TMEM229B: variants seen among roughly 807,000 people sequenced by gnomAD.
The protein encoded by TMEM229B is transmembrane protein 229B, also known as chromosome 14 open reading frame 83.
In TMEM229B, 6 loss-of-function variants were observed where a neutral mutation model predicts 13.7. That is an observed-to-expected ratio of 0.44 (90% confidence interval 0.24 to 0.86). TMEM229B has a LOEUF of 0.86. TMEM229B is among the 40% of genes least tolerant of loss of function. The pLI is 0.23. For synonymous variants in TMEM229B, 107 were observed against 102.1 expected (o/e 1.05, Z -0.29); for missense variants, 170 against 236.0 (o/e 0.72, Z 1.83).
chr14:67,528,295 G>T (rs1168333229), intron 1 of TMEM229B, among the ~76,000 whole-genome samples: 1 of 152,208 alleles, frequency 6.6e-6, no homozygotes, highest in Non-Finnish European at 1.5e-5. Context: ...AAAACCCATT[G>T]TCTACAGCGG....
At chr14:67,507,301 A>G (rs2032862564) in intron 1 of TMEM229B, among the ~76,000 whole-genome samples, 1 of 152,084 alleles carries the variant, frequency 6.6e-6, no homozygotes, top group Non-Finnish European at 1.5e-5. Context: ...GTGAGCTATG[A>G]TTATGCCACT....
At chr14:67,513,576 C>T (rs1270637430) in intron 1 of TMEM229B, among the ~76,000 whole-genome samples, 12 of 152,230 alleles carry the variant, frequency 7.9e-5, no homozygotes. Context: ...CACAAAGCCC[C>T]TGATGGGGGC....
chr14:67,492,065 C>A (rs1227001061), upstream of TMEM229B, among the ~76,000 whole-genome samples: 4 of 152,162 alleles, frequency 2.6e-5, no homozygotes, highest in Non-Finnish European at 5.9e-5. Context: ...GCCACCTGTC[C>A]TTTCCCTCTC....
chr14:67,480,201 T>C (rs1008978962), intron 2 of TMEM229B, among the ~76,000 whole-genome samples: 1 of 152,120 alleles, frequency 6.6e-6, no homozygotes, highest in Non-Finnish European at 1.5e-5. Context: ...CACCGCCTCT[T>C]ACCCGATGCA....
intron 1 of TMEM229B, among the ~76,000 whole-genome samples, chr14:67,506,721 C>T (rs190037854): frequency 6.6e-6 from 1 of 152,328 alleles, no homozygotes; most frequent in East Asian, 1.9e-4. Context: ...AGTGGTGGCT[C>T]ATGCCTGTAA....
At chr14:67,508,135 CAA>C (rs34715322) in intron 1 of TMEM229B, among the ~76,000 whole-genome samples, 4 of 130,612 alleles carry the variant, frequency 3.1e-5, no homozygotes, top group African/African-American at 6.0e-5. Context: ...AACTCCATCT[CAA>C]AAAAAAAAAA....
chr14:67,479,861 C>T (rs1308049426), intron 2 of TMEM229B, among the ~76,000 whole-genome samples: 1 of 152,188 alleles, frequency 6.6e-6, no homozygotes, highest in Non-Finnish European at 1.5e-5. Context: ...GCTCTTCCCT[C>T]CTGTGTCATC....
intron 1 of TMEM229B, among the ~76,000 whole-genome samples, chr14:67,498,286 G>C (rs529905359): frequency 1.3e-5 from 2 of 152,096 alleles, no homozygotes; most frequent in Admixed American, 1.3e-4. Context: ...CACGATGGGG[G>C]GTGGGCAATC....
At position 67,473,783 on chromosome 14, in the gene TMEM229B, C is replaced by G. The variant is rs1295421138; in HGVS notation, c.141G>C (p.Val47=). 4 of 1,613,876 alleles carry G rather than the reference C, an allele frequency of 2.5e-6. No homozygotes were observed. Among genetic ancestry groups the G allele is most frequent in the Non-Finnish European group, 3.4e-6 (4 of 1,179,972 alleles). ...AGGTGCCGTAGATGAAGAGGGCCCA[C>G]ACGCTCGTGACCCCAGGGAACTTCC... ...LNWKFPGVTS[V]WALFIYGTSI... The change falls in exon 3 of 3, where the codon GTG becomes GTC. Residue 47 remains valine, a synonymous_variant. Transcript: ENST00000554480. The surrounding 1 kb of genome is among the most constrained non-coding windows in gnomAD (Gnocchi z 6.5).
rs1460963331 is a variant in TMEM229B, at chr14:67,470,623, C to G, written c.*2797G>C. 2 of 152,882 alleles carry G rather than the reference C, an allele frequency of 1.3e-5. No individual in the cohort carries two copies. Among genetic ancestry groups the G allele is most frequent in the African/African-American group, 4.8e-5 (2 of 41,436 alleles). The allele number at this position is 152,882 out of a possible 1,614,324, so 9.5% of individuals were successfully genotyped here. On this transcript the variant is annotated 3_prime_UTR_variant, in exon 3 of 3. Transcript: ENST00000554480. ...ACTCAGCAGCTGCCTCCCCAGGAGA[C>G]CCACGCAGAGTGAGGGACCAGGACA...
chr14:67,502,022 G>A (rs553170903), intron 1 of TMEM229B, among the ~76,000 whole-genome samples: 2 of 152,260 alleles, frequency 1.3e-5, no homozygotes, highest in South Asian at 2.1e-4. Context: ...ATAGCATGAC[G>A]TTAGGTCTCC....
In TMEM229B at chr14:67,473,461, C is replaced by T. The variant is rs372112152; in HGVS notation, c.463G>A (p.Gly155Ser). ...DKDAEPGEPS[G>S]ALALANGHVK... is the part of the protein sequence containing the mutation. ...TGGCCGTTGGCCAGGGCTAGGGCGCCGCTGGGCTCCCCGGGCTCAGCGTCC... is the reference window on the plus strand; with the variant it reads ...TGGCCGTTGGCCAGGGCTAGGGCGCTGCTGGGCTCCCCGGGCTCAGCGTCC... Residue 155 changes from glycine (G) to serine (S), a missense_variant, in exon 3 of 3, where the codon GGC (glycine) becomes AGC (serine). Gly to Ser is a moderately conservative substitution (Grantham distance 56). Around this residue, in one of 4 missense-constraint regions of TMEM229B, gnomAD observed 70 missense variants for 60.9 expected, o/e 1.15. Transcript: ENST00000554480. This position sits in a 1 kb window ranked among gnomAD's most constrained non-coding sequence, Gnocchi z 6.5. 2.5e-6 allele frequency: 4 copies of T among 1,614,066 alleles called. No individual in the cohort carries two copies. The African/African-American group carries it at 4.0e-5, about 16-fold the overall frequency.
chr14:67,497,720 T>A (rs2032448415), intron 1 of TMEM229B, among the ~76,000 whole-genome samples: 2 of 152,290 alleles, frequency 1.3e-5, no homozygotes, highest in South Asian at 4.1e-4. Flanking sequence ...GTACTTTGTG[T>A]TCTTTTGAGC....
chr14:67,496,574 A>C (rs1346418839), intron 1 of TMEM229B, among the ~76,000 whole-genome samples: 4 of 151,542 alleles, frequency 2.6e-5, no homozygotes, highest in African/African-American at 9.7e-5. Flanking sequence ...CTGGAAGAGA[A>C]GTAGACGTGA....
chr14:67,512,688 C>T (rs924115159), intron 1 of TMEM229B, among the ~76,000 whole-genome samples: 7 of 152,152 alleles, frequency 4.6e-5, no homozygotes, highest in African/African-American at 1.7e-4. Context: ...CCAGGTCTTT[C>T]CTTATGACAT....
intron 2 of TMEM229B, among the ~76,000 whole-genome samples, chr14:67,476,861 C>T (rs1228645317): frequency 1.3e-5 from 2 of 152,118 alleles, no homozygotes; most frequent in African/African-American, 2.4e-5. Flanking sequence ...CACAGTGGCT[C>T]ACGCCTGTAA....
At chr14:67,486,664 C>T (rs192748511) in intron 2 of TMEM229B, among the ~76,000 whole-genome samples, 254 of 152,288 alleles carry the variant, frequency 1.7e-3, no homozygotes, top group Non-Finnish European at 2.6e-3. Context: ...TTCCCCTTGC[C>T]TTCCACCATG....
intron 1 of TMEM229B, among the ~76,000 whole-genome samples, chr14:67,510,272 A>C (rs1176412535): frequency 6.6e-6 from 1 of 152,246 alleles, no homozygotes; most frequent in South Asian, 2.1e-4. Context: ...TATTTGTGGA[A>C]TTAAGTCTCA....
In TMEM229B at chr14:67,473,445, G is replaced by C; in HGVS notation, c.479C>G (p.Ala160Gly). The C allele has an allele frequency of 6.2e-7, 1 of 1,614,094 alleles. No individual in the cohort carries two copies. Among genetic ancestry groups the C allele is most frequent in the Non-Finnish European group, 8.5e-7 (1 of 1,180,016 alleles). ...PGEPSGALAL[A>G]NGHVKTD ...TCAGTCAGTCTTGACATGGCCGTTG[G>C]CCAGGGCTAGGGCGCCGCTGGGCTC... The change falls in exon 3 of 3, where the codon GCC (alanine) becomes GGC (glycine). Residue 160 changes from alanine to glycine, a missense_variant. By Grantham distance (60) the Ala-to-Gly change is moderately conservative. Around this residue, in one of 4 missense-constraint regions of TMEM229B, gnomAD observed 70 missense variants for 60.9 expected, o/e 1.15. Transcript: ENST00000554480. This position sits in a 1 kb window ranked among gnomAD's most constrained non-coding sequence, Gnocchi z 6.5.
Sources: gnomAD v4.1 joint callset for allele counts (sites outside exome capture counted in the v4.1 genomes callset) on GRCh38, gnomAD v4.1.1 for gene constraint, gnomAD v4.1.1 regional missense constraint, Gnocchi (gnomAD v3.1) non-coding constraint, MANE v1.5 for transcripts, NCBI Gene and HGNC (gene_info 2026-07-23, HGNC 2026-07-21) for gene names.